The following SDK2 variants were observed in gnomAD, a reference collection of about 807,000 sequenced individuals.
The protein encoded by SDK2 is sidekick cell adhesion molecule 2, also known as protein sidekick-2.
Under a neutral mutation model 253.9 loss-of-function variants are expected in SDK2, and 105 were observed. That is an observed-to-expected ratio of 0.41 (90% CI 0.35 to 0.49). The LOEUF (loss-of-function observed/expected upper bound fraction) is 0.49. Ranked by LOEUF, SDK2 falls within the 20% of genes least tolerant of loss-of-function variation. SDK2 has a pLI of 0.06. For missense variants in SDK2, 2,608 were observed against 3,003.0 expected (o/e 0.87, Z 3.07); for synonymous variants, 1,249 against 1,234.9 (o/e 1.01, Z -0.24).
intron 38 of SDK2, among the ~76,000 whole-genome samples, chr17:73,364,411 G>A (rs1400491187): frequency 6.6e-6 from 1 of 152,096 alleles, no homozygotes; most frequent in African/African-American, 2.4e-5. Flanking sequence ...TCTGGGGTCC[G>A]CAGATAGCAG....
intron 2 of SDK2, among the ~76,000 whole-genome samples, chr17:73,474,724 G>T (rs145131331): frequency 5.3e-4 from 81 of 152,272 alleles, no homozygotes; most frequent in African/African-American, 1.8e-3. Context: ...CGAGGCGAGG[G>T]GAGGCCACTG....
intron 5 of SDK2, among the ~76,000 whole-genome samples, chr17:73,446,733 A>G (rs1391075958): frequency 1.3e-5 from 2 of 152,148 alleles, no homozygotes; most frequent in Non-Finnish European, 2.9e-5. Context: ...GGAGGTGAAC[A>G]TCTGCCTCCC....
rs183970879 is a variant in SDK2 at position 73,619,724 on chromosome 17, G to A, written c.64+24301C>T. Among the ~76,000 whole-genome samples, 901 of 152,188 alleles carry A rather than the reference G, an allele frequency of 5.9e-3. 14 individuals carry two copies. The highest frequency in any genetic ancestry group is 0.021 in the African/African-American group (858 of 41,504). ...ATGACAAAAGAAAAAAAAATGTAAG[G>A]TGGACTTCATCAAAATTAAAATCTT... On this transcript the variant is annotated intron_variant, in intron 1 of 44. Coordinates refer to ENST00000392650, the MANE Select transcript of SDK2 (RefSeq NM_001144952.2).
Position 73,595,160 on chromosome 17 carries a change from C to G in SDK2, c.64+48865G>C, listed in dbSNP as rs535682751. ...TTGCTGAATAAGTGAAGCCATGAGC[C>G]ACAGAAGGGGTGTCAGTGAGAATTC... On this transcript the variant is annotated intron_variant, in intron 1 of 44. Transcript: ENST00000392650. 5.3e-4 allele frequency among the ~76,000 whole-genome samples: 81 copies of G among 152,168 alleles called. No homozygotes were observed. The South Asian group carries it at 6.0e-3, about 11-fold the overall frequency.
intron 1 of SDK2, among the ~76,000 whole-genome samples, chr17:73,548,483 T>C (rs1166986070): frequency 6.6e-6 from 1 of 152,240 alleles, no homozygotes; most frequent in African/African-American, 2.4e-5. Context: ...AGGATGATTA[T>C]TCCTCCTGGG....
At chr17:73,537,484 G>A (rs970077160) in intron 1 of SDK2, among the ~76,000 whole-genome samples, 6 of 152,228 alleles carry the variant, frequency 3.9e-5, no homozygotes, top group African/African-American at 1.4e-4. Flanking sequence ...AGCTCATAAG[G>A]GCTCCTTTCA....
At chr17:73,613,972 T>A (rs2143146633) in intron 1 of SDK2, among the ~76,000 whole-genome samples, 1 of 152,340 alleles carries the variant, frequency 6.6e-6, no homozygotes, top group Non-Finnish European at 1.5e-5. Context: ...GATCTAGCTA[T>A]TAAAACAAAA....
rs568000214 is a variant in SDK2, at chr17:73,383,016, G to A, written c.4705+860C>T. Among the ~76,000 whole-genome samples the A allele has an allele frequency of 1.3e-4, 20 of 152,222 alleles. No individual in the cohort carries two copies. The highest frequency in any genetic ancestry group is 4.1e-4 in the African/African-American group (17 of 41,526). ...TACACTCCAGCCTGGGCAACAGAGC[G>A]AGACTCTGTCTAAAAAAACCCAAAA... On this transcript the variant is annotated intron_variant, in intron 33 of 44. Coordinates refer to ENST00000392650, the MANE Select transcript of SDK2 (RefSeq NM_001144952.2). This position sits in a 1 kb window ranked among gnomAD's most constrained non-coding sequence, Gnocchi z 4.3.
rs540552064 is a variant in SDK2, at chr17:73,473,233, G to A, written c.225-1015C>T. Among the ~76,000 whole-genome samples, 167 of 152,288 alleles carry A rather than the reference G, an allele frequency of 1.1e-3. 2 individuals carry two copies. Among genetic ancestry groups the A allele is most frequent in the African/African-American group, 3.8e-3 (159 of 41,570 alleles). On this transcript the variant is annotated intron_variant, in intron 2 of 44. Coordinates refer to ENST00000392650, the MANE Select transcript of SDK2 (RefSeq NM_001144952.2). ...CAGACTCTGGCATTGGGGGGCAGGC[G>A]GCTGGGAGCAGGTGTATGTACATTC...
At position 73,431,688 on chromosome 17, in the gene SDK2, G is replaced by C; in HGVS notation, c.1313-19C>G. On this transcript the variant is annotated intron_variant, in intron 10 of 44. Transcript: ENST00000392650. This position sits in a 1 kb window ranked among gnomAD's most constrained non-coding sequence, Gnocchi z 5.6. Reference sequence around the variant, plus strand: ...CGCTCCCCTGAGGGCAAAACAGGGTGGGGGTCAGCCTGTAGCCCCCAAGGG... The same window carrying C: ...CGCTCCCCTGAGGGCAAAACAGGGTCGGGGTCAGCCTGTAGCCCCCAAGGG... 1 of 1,589,586 alleles carries C rather than the reference G, an allele frequency of 6.3e-7. No homozygotes were observed. Among genetic ancestry groups the C allele is most frequent in the Non-Finnish European group, 8.6e-7 (1 of 1,167,058 alleles).
intron 15 of SDK2, among the ~76,000 whole-genome samples, chr17:73,419,718 AC>A (rs775551291): frequency 0.034 from 2,409 of 71,392 alleles, 266 homozygotes; most frequent in African/African-American, 0.095. Context: ...AAAAAAAACA[AC>A]AAAAAAAACC....
chr17:73,493,857 C>T (rs528664452), intron 2 of SDK2, among the ~76,000 whole-genome samples: 12 of 152,266 alleles, frequency 7.9e-5, no homozygotes, highest in African/African-American at 2.4e-4. Context: ...CCTGCCTGCC[C>T]CAGCTTCAGA....
chr17:73,513,007 G>GA (rs1012779674), intron 1 of SDK2, among the ~76,000 whole-genome samples: 2 of 151,442 alleles, frequency 1.3e-5, no homozygotes, highest in Non-Finnish European at 2.9e-5. Flanking sequence ...AAAAGACCTA[G>GA]AAAAAAAATC....
At chr17:73,491,218 C>A (rs1296019848) in intron 2 of SDK2, among the ~76,000 whole-genome samples, 1 of 152,126 alleles carries the variant, frequency 6.6e-6, no homozygotes, top group African/African-American at 2.4e-5. Flanking sequence ...TCTAACAGCA[C>A]CCTGACATGG....
chr17:73,606,169 C>T (rs1599720546), intron 1 of SDK2, among the ~76,000 whole-genome samples: 2 of 152,252 alleles, frequency 1.3e-5, no homozygotes, highest in East Asian at 1.9e-4. Context: ...CTTTTTGCTT[C>T]ACATCTTGAC....
At position 73,606,516 on chromosome 17, in the gene SDK2, G is replaced by A. The variant is rs192752403; in HGVS notation, c.64+37509C>T. ...GGCCGGGTCCTCTCCTATTTTACCC[G>A]CACCATCTGTAACCCTTACGACAGC... is the stretch of plus-strand genomic sequence containing the variant. On this transcript the variant is annotated intron_variant, in intron 1 of 44. Coordinates refer to ENST00000392650, the MANE Select transcript of SDK2 (RefSeq NM_001144952.2). Among the ~76,000 whole-genome samples the A allele has an allele frequency of 4.6e-5, 7 of 152,286 alleles. No individual in the cohort carries two copies. In the East Asian group the frequency reaches 5.8e-4, roughly 13 times the overall value.
In SDK2 at chr17:73,437,753, G is replaced by A. The variant is rs1392121078; in HGVS notation, c.986C>T (p.Pro329Leu). The change falls in exon 8 of 45, where the codon CCC (proline) becomes CTC (leucine). Residue 329 changes from proline to leucine, a missense_variant. This residue lies in a region of SDK2 where 1,505 missense variants were observed against 1,859.1 expected (regional missense o/e 0.81). Transcript: ENST00000392650. ...CACCTCATTACCTTTGGCCTGACAG[G>A]GGATGTCCACCACCTTCTCCATCTC... is the stretch of plus-strand genomic sequence containing the variant. ...TAEMEKVVDI[P>L]CQAKGVPPPS... The A allele has an allele frequency of 6.2e-7, 1 of 1,613,932 alleles. No individual in the cohort carries two copies. The highest frequency in any genetic ancestry group is 8.5e-7 in the Non-Finnish European group (1 of 1,179,820).
Position 73,383,736 on chromosome 17 carries a change from G to A in SDK2, c.4705+140C>T. ...TTCAGTAAATGAATGAATGGGATGG[G>A]AGGAGGGAGAGGCACACATGGAGGA... On this transcript the variant is annotated intron_variant, in intron 33 of 44. Coordinates refer to ENST00000392650, the MANE Select transcript of SDK2 (RefSeq NM_001144952.2). This position sits in a 1 kb window ranked among gnomAD's most constrained non-coding sequence, Gnocchi z 4.3. 1 of 951,296 alleles carries A rather than the reference G, an allele frequency of 1.1e-6. No homozygotes were observed. Among genetic ancestry groups the A allele is most frequent in the South Asian group, 1.6e-5 (1 of 61,494 alleles). The allele number at this position is 951,296 out of a possible 1,614,324, so 58.9% of individuals were successfully genotyped here.
At chr17:73,370,077 A>AATG (rs1345300970) in intron 36 of SDK2, among the ~76,000 whole-genome samples, 1 of 152,174 alleles carries the variant, frequency 6.6e-6, no homozygotes, top group African/African-American at 2.4e-5. Flanking sequence ...CCTGCTGGCC[A>AATG]ATGAGGTTTC....
Sources: gnomAD v4.1 joint callset for allele counts (sites outside exome capture counted in the v4.1 genomes callset) on GRCh38, gnomAD v4.1.1 for gene constraint, gnomAD v4.1.1 regional missense constraint, Gnocchi (gnomAD v3.1) non-coding constraint, MANE v1.5 for transcripts, NCBI Gene and HGNC (gene_info 2026-07-23, HGNC 2026-07-21) for gene names.